Variants in RAC2 observed in about 807,000 individuals in gnomAD.
RAC2 encodes Rac family small GTPase 2.
Under a neutral mutation model 24.0 loss-of-function variants are expected in RAC2, and 1 was observed. That is an observed-to-expected ratio of 0.04 (90% CI 0.01 to 0.20). The LOEUF is 0.20. RAC2 is among the 10% of genes least tolerant of loss of function. The pLI, the probability that RAC2 is intolerant of heterozygous loss-of-function variation, is 1.00. For synonymous variants in RAC2, 114 were observed against 106.8 expected, an observed-to-expected ratio of 1.07 and a Z score of -0.41; for missense variants, 130 against 259.1, an observed-to-expected ratio of 0.50 and a Z score of 3.42.
chr22:37,229,260 AG>A (rs5845330), intron 5 of RAC2, among the ~76,000 whole-genome samples: 144,232 of 152,114 alleles, frequency 0.95, 68,468 homozygotes, highest in East Asian at 1. Context: ...AAGCTGAGGC[AG>A]GGGGCAGGGG....
At chr22:37,227,437 C>T (rs963272704) in intron 5 of RAC2, among the ~76,000 whole-genome samples, 92 of 60,816 alleles carry the variant, frequency 1.5e-3, no homozygotes, top group Middle Eastern at 9.4e-3. Context: ...TCCTCCCATG[C>T]CTCCCATGCC....
chr22:37,228,262 T>C (rs1926945501), intron 5 of RAC2, among the ~76,000 whole-genome samples: 1 of 152,212 alleles, frequency 6.6e-6, no homozygotes. Context: ...AGCTCCTCTG[T>C]CCTGCCATGG....
rs564708882 is a variant in RAC2 at position 37,240,766 on chromosome 22, G to T, written c.107+821C>A. ...TGGTAGATCAGAAAGGCTTCCCGGA[G>T]GAGGGGGCACTGGAGCTGCGCCTGG... On this transcript the variant is annotated intron_variant, in intron 2 of 6. Transcript: ENST00000249071. 156 of 490,994 alleles carry T rather than the reference G, an allele frequency of 3.2e-4. 2 individuals are homozygous for T. Among genetic ancestry groups the T allele is most frequent in the South Asian group, 2.3e-3 (86 of 37,476 alleles). The allele number at this position is 490,994 out of a possible 1,614,324, so 30.4% of individuals were successfully genotyped here.
At chr22:37,235,196 T>A (rs1012941047) in intron 2 of RAC2, among the ~76,000 whole-genome samples, 2 of 150,430 alleles carry the variant, frequency 1.3e-5, no homozygotes, top group Admixed American at 6.6e-5. Flanking sequence ...CTGAGAGGAG[T>A]CCCCCACACC....
chr22:37,241,819 C>T (rs1325261186), intron 1 of RAC2, among the ~76,000 whole-genome samples, 161 bp from the exon 2 acceptor site: 1 of 152,192 alleles, frequency 6.6e-6, no homozygotes, highest in African/African-American at 2.4e-5. Context: ...GTTCTCACAC[C>T]CGAGAGCCTG....
rs115077809 is a variant in RAC2, at chr22:37,226,850, G to A, written c.449-47C>T. The A allele has an allele frequency of 8.8e-6, 14 of 1,599,952 alleles. 1 individual carries two copies. In the East Asian group the frequency reaches 1.3e-4, roughly 15 times the overall value. On this transcript the variant is annotated intron_variant, in intron 5 of 6. Transcript: ENST00000249071. Reference sequence around the variant, plus strand: ...AGAGCCAAGGCCTAAGTGGCGGGGGGGGTTCTGGGCCAACATGTCTCCTAT... The same window carrying A: ...AGAGCCAAGGCCTAAGTGGCGGGGGAGGTTCTGGGCCAACATGTCTCCTAT...
chr22:37,233,747 G>T (rs866835970), intron 2 of RAC2, among the ~76,000 whole-genome samples: 4 of 152,202 alleles, frequency 2.6e-5, no homozygotes, highest in Non-Finnish European at 5.9e-5. Flanking sequence ...GCTGACACAG[G>T]GCAGGTGGTT....
Position 37,235,565 on chromosome 22 carries a change from G to A in RAC2, c.108-2647C>T, listed in dbSNP as rs1411754961. ...CCTCATTTGTTTGCCGCTGCACCCT[G>A]GGGCCAGCCCGCGGTCTGGTGCACA... On this transcript the variant is annotated intron_variant, in intron 2 of 6. Transcript: ENST00000249071. Among the ~76,000 whole-genome samples the A allele has an allele frequency of 2.6e-5, 4 of 152,312 alleles. No homozygotes were observed. The East Asian group carries it at 7.7e-4, about 29-fold the overall frequency.
chr22:37,231,908 C>T lies in RAC2; in HGVS notation c.288+24G>A, dbSNP rs746584502. The T allele has an allele frequency of 3.5e-5, 54 of 1,551,372 alleles. 2 individuals are homozygous for T. In the South Asian group the frequency reaches 6.1e-4, roughly 17 times the overall value. The stretch of plus-strand genomic sequence containing the variant: ...TCAGGGTTACCTGCCCCAGAGCCCC[C>T]AAGGCCCACCCTGTCCAGCTCACCT... On this transcript the variant is annotated intron_variant, in intron 4 of 6. Coordinates refer to ENST00000249071, the MANE Select transcript of RAC2 (RefSeq NM_002872.5). The surrounding 1 kb of genome is among the most constrained non-coding windows in gnomAD (Gnocchi z 5.5).
chr22:37,238,465 C>G (rs1927300352), intron 2 of RAC2, among the ~76,000 whole-genome samples: 1 of 152,162 alleles, frequency 6.6e-6, no homozygotes, highest in South Asian at 2.1e-4. Flanking sequence ...GTCTCGAACT[C>G]ATGGGCTCAA....
chr22:37,240,844 A>T, intron 2 of RAC2: 1 of 598,760 alleles, frequency 1.7e-6, no homozygotes, highest in South Asian at 2.0e-5. Context: ...GAGAGAGAAC[A>T]GCTTGAGCAA....
At chr22:37,240,824 G>C (rs1449527675) in intron 2 of RAC2, 7 of 580,948 alleles carry the variant, frequency 1.2e-5, no homozygotes, top group Non-Finnish European at 2.2e-5. Flanking sequence ...GGGAGAAAAA[G>C]CACTATGGGG....
At chr22:37,240,880 G>T in intron 2 of RAC2, 1 of 627,476 alleles carries the variant, frequency 1.6e-6, no homozygotes, top group South Asian at 1.8e-5. Flanking sequence ...AATGTGCAGG[G>T]AGCTTGTGGC....
intron 2 of RAC2, among the ~76,000 whole-genome samples, chr22:37,237,667 T>C (rs1927271364): frequency 6.6e-6 from 1 of 152,036 alleles, no homozygotes; most frequent in Non-Finnish European, 1.5e-5. Flanking sequence ...CAACCTCAAT[T>C]AGCAGCACAC....
chr22:37,241,559 AC>A, intron 2 of RAC2, 27 bp downstream of exon 2: 1 of 1,600,134 alleles, frequency 6.2e-7, no homozygotes, highest in Non-Finnish European at 8.6e-7. Context: ...CCCTCCTCCC[AC>A]CACCCCACAT....
intron 2 of RAC2, among the ~76,000 whole-genome samples, chr22:37,234,013 G>A (rs1027206748): frequency 6.6e-6 from 1 of 152,244 alleles, no homozygotes; most frequent in Non-Finnish European, 1.5e-5. Context: ...CGAGGAGATG[G>A]TGTGAGGCAC....
At chr22:37,242,428 C>G (rs1176800887) in intron 1 of RAC2, among the ~76,000 whole-genome samples, 1 of 152,170 alleles carries the variant, frequency 6.6e-6, no homozygotes, top group Non-Finnish European at 1.5e-5. Flanking sequence ...AGAGCTGGTA[C>G]ATAGGAAGGA....
chr22:37,243,639 G>A (rs374379711), intron 1 of RAC2, among the ~76,000 whole-genome samples: 1 of 152,166 alleles, frequency 6.6e-6, no homozygotes, highest in African/African-American at 2.4e-5. Context: ...CCAGGGCATA[G>A]GCCTCCTCCC....
At position 37,231,870 on chromosome 22, in the gene RAC2, C is replaced by T; in HGVS notation, c.288+62G>A. ...GGGACCAGCCTAGAGTCACCAGTTC[C>T]TCCCTCTGTCCCTCAGGGTTACCTG... On this transcript the variant is annotated intron_variant, in intron 4 of 6. Transcript: ENST00000249071. The surrounding 1 kb of genome is among the most constrained non-coding windows in gnomAD (Gnocchi z 5.5). 2.0e-5 allele frequency: 30 copies of T among 1,525,190 alleles called. No individual in the cohort carries two copies. The highest frequency in any genetic ancestry group is 2.4e-5 in the Non-Finnish European group (27 of 1,123,726). 94.5% of individuals were successfully genotyped at this position (1,525,190 alleles called of 1,614,324 possible). A position where few individuals can be genotyped will look rare whatever the true frequency, so the allele number is the denominator to read the frequency against.
Sources: allele counts gnomAD v4.1 joint callset (sites outside exome capture counted in the v4.1 genomes callset), GRCh38; gene constraint gnomAD v4.1.1; non-coding constraint Gnocchi (gnomAD v3.1); transcripts MANE v1.5; gene names NCBI Gene and HGNC (gene_info 2026-07-23, HGNC 2026-07-21).